The following LETM1 variants were observed in gnomAD, a reference collection of about 807,000 sequenced individuals.
The protein encoded by LETM1 is mitochondrial proton/calcium exchanger protein.
A neutral mutation model predicts 74.5 loss-of-function variants in LETM1; 50 were observed. The ratio of observed to expected loss-of-function variants is 0.67; its 90% CI spans 0.53 to 0.85. The LOEUF is 0.85. Among genes scored for constraint, LETM1 ranks in the 40% least tolerant of loss-of-function variants. LETM1 has a pLI of 0.00. For missense variants in LETM1, 824 were observed against 967.8 expected (o/e 0.85, Z 1.97); for synonymous variants, 446 against 407.1 (o/e 1.10, Z -1.15).
chr4:1,845,013 A>G (rs1250536400), intron 2 of LETM1, among the ~76,000 whole-genome samples: 3 of 151,712 alleles, frequency 2.0e-5, no homozygotes, highest in Non-Finnish European at 4.4e-5. Context: ...AATATGGTGA[A>G]ACCCCGTCTT....
At chr4:1,855,319 C>T (rs1462379597) in intron 1 of LETM1, among the ~76,000 whole-genome samples, 7 of 152,260 alleles carry the variant, frequency 4.6e-5, no homozygotes, top group Non-Finnish European at 1.0e-4. Context: ...GCTAAAGCCA[C>T]GCACCCTGAG....
At chr4:1,840,838 T>C (rs1045487421) in intron 3 of LETM1, among the ~76,000 whole-genome samples, 1 of 152,094 alleles carries the variant, frequency 6.6e-6, no homozygotes, top group African/African-American at 2.4e-5. Context: ...TGGGATCTGA[T>C]GTTATCTCTG....
rs1373872630 is a variant in LETM1, at chr4:1,812,837, G to C, written c.*1587C>G. 1 of 152,346 alleles carries C rather than the reference G, an allele frequency of 6.6e-6. No individual in the cohort carries two copies. The highest frequency in any genetic ancestry group is 1.5e-5 in the Non-Finnish European group (1 of 68,102). 9.4% of individuals were successfully genotyped at this position (152,346 alleles called of 1,614,324 possible). ...GGAGTCCAGGGCAGAGGGGACAGTG[G>C]GATGGGCTGCCTGTTGCAGTGGCTG... On this transcript the variant is annotated 3_prime_UTR_variant, in exon 14 of 14. Coordinates refer to ENST00000302787, the MANE Select transcript of LETM1 (RefSeq NM_012318.3).
At chr4:1,847,824 CAAAAAAA>C (rs778839346) in intron 2 of LETM1, among the ~76,000 whole-genome samples, 2 of 41,922 alleles carry the variant, frequency 4.8e-5, no homozygotes, top group African/African-American at 9.6e-5. Context: ...AACTCGGTCT[CAAAAAAA>C]AAAAAAAAAA....
chr4:1,826,616 C>T (rs556231075), intron 6 of LETM1, among the ~76,000 whole-genome samples: 3 of 152,336 alleles, frequency 2.0e-5, no homozygotes, highest in Admixed American at 6.5e-5. Context: ...TCCCTGAGGA[C>T]CCACTGGGGG....
Position 1,815,796 on chromosome 4 carries a change from G to A in LETM1, c.1938C>T (p.Asn646=), listed in dbSNP as rs138176193. 2.3e-4 allele frequency: 377 copies of A among 1,613,874 alleles called. 1 individual carries two copies. The highest frequency in any genetic ancestry group is 3.0e-4 in the Non-Finnish European group (354 of 1,179,996). ...TGATGAGCTCAGCGACACTGATGAC[G>A]TTCTCCCTGTGGAAGCACAGCCTGC... ...APANGMPTGE[N]VISVAELINA... The change falls in exon 13 of 14, where the codon AAC becomes AAT. Residue 646 remains asparagine, a synonymous_variant. Coordinates refer to ENST00000302787, the MANE Select transcript of LETM1 (RefSeq NM_012318.3).
intron 6 of LETM1, 109 bp from the exon 7 acceptor site, chr4:1,825,792 T>A: frequency 7.7e-7 from 1 of 1,292,256 alleles, no homozygotes; most frequent in East Asian, 2.6e-5. Flanking sequence ...CAAGCAAGAA[T>A]CAAACCACGG....
Position 1,841,805 on chromosome 4 carries a change from A to AG in LETM1, c.144-9dup, listed in dbSNP as rs775068920. 7 of 1,601,290 alleles carry AG rather than the reference A, an allele frequency of 4.4e-6. No homozygotes were observed. In the East Asian group the frequency reaches 1.6e-4, roughly 36 times the overall value. Reference sequence around the variant, plus strand: ...CAGCCAAATGGAACATTCCTTGAAAAGGGAAGAGTGGAAAACAGTAGTAAG... The same window carrying AG: ...CAGCCAAATGGAACATTCCTTGAAAAGGGGAAGAGTGGAAAACAGTAGTAAG... On this transcript the variant is annotated splice_polypyrimidine_tract_variant and intron_variant, in intron 2 of 13. Transcript: ENST00000302787.
chr4:1,814,685 G>T, intron 13 of LETM1, 112 bp from the exon 14 acceptor site: 3 of 844,858 alleles, frequency 3.6e-6, no homozygotes, highest in Non-Finnish European at 5.8e-6. Flanking sequence ...CAGCATGCAC[G>T]CAATCACTGC....
intron 6 of LETM1, 130 bp from the exon 7 acceptor site, chr4:1,825,813 C>A: frequency 9.2e-7 from 1 of 1,089,064 alleles, no homozygotes; most frequent in South Asian, 1.5e-5. Context: ...CCACCAAAGC[C>A]CAGTTCTAGG....
rs776571778 is a variant in LETM1 at position 1,825,572 on chromosome 4, G to A, written c.1192C>T (p.Leu398=). The A allele has an allele frequency of 3.1e-6, 5 of 1,612,460 alleles. No homozygotes were observed. The highest frequency in any genetic ancestry group is 4.2e-6 in the Non-Finnish European group (5 of 1,178,728). Residue 398 remains leucine (L), a synonymous_variant, in exon 7 of 14, where the codon CTG becomes TTG. Transcript: ENST00000302787. ...GVTEDRLRGQ[L]KQWLDLHLHQ... ...GGCCAATATTCACGCACCTGCTTCAGCTGACCCCTCAGGCGGTCTTCCGTG... is the reference window on the plus strand; with the variant it reads ...GGCCAATATTCACGCACCTGCTTCAACTGACCCCTCAGGCGGTCTTCCGTG...
chr4:1,848,323 C>G (rs1486843176), intron 2 of LETM1, among the ~76,000 whole-genome samples: 2 of 151,900 alleles, frequency 1.3e-5, no homozygotes, highest in Non-Finnish European at 2.9e-5. Context: ...CCATGGCGGG[C>G]GGATCACGAG....
chr4:1,855,905 G>T lies in LETM1; in HGVS notation c.46C>A (p.Arg16Ser). 1.6e-6 allele frequency: 2 copies of T among 1,239,530 alleles called. No individual in the cohort carries two copies. The highest frequency in any genetic ancestry group is 3.4e-5 in the South Asian group (1 of 29,520). The allele number at this position is 1,239,530 out of a possible 1,614,324, so 76.8% of individuals were successfully genotyped here. ...LRSCRGRAPA[R>S]LPPPPRYTVP... ...GTGTACCGAGGCGGCGGCGGGAGGC[G>T]GGCGGGCGCCCGGCCGCGGCAGCTC... is the stretch of plus-strand genomic sequence containing the variant. Residue 16 changes from arginine (R) to serine (S), a missense_variant, in exon 1 of 14, where the codon CGC (arginine) becomes AGC (serine). Transcript: ENST00000302787.
chr4:1,855,919 C>T lies in LETM1; in HGVS notation c.32G>A (p.Gly11Asp), dbSNP rs1012052911. ...CGGCGGGAGGCGGGCGGGCGCCCGG[C>T]CGCGGCAGCTCCTCAGTAAGATGGA... MASILLRSCR[G>D]RAPARLPPPP... The change falls in exon 1 of 14, where the codon GGC (glycine) becomes GAC (aspartate). Residue 11 changes from glycine (G) to aspartate (D), a missense_variant. Coordinates refer to ENST00000302787, the MANE Select transcript of LETM1 (RefSeq NM_012318.3). The T allele has an allele frequency of 8.1e-7, 1 of 1,237,316 alleles. No individual in the cohort carries two copies. Among genetic ancestry groups the T allele is most frequent in the South Asian group, 3.4e-5 (1 of 29,234 alleles). The allele number at this position is 1,237,316 out of a possible 1,614,324, so 76.6% of individuals were successfully genotyped here.
chr4:1,814,509 G>A lies in LETM1; in HGVS notation c.2135C>T (p.Ala712Val), dbSNP rs1560471926. The A allele has an allele frequency of 6.2e-7, 1 of 1,614,020 alleles. No homozygotes were observed. The highest frequency in any genetic ancestry group is 8.5e-7 in the Non-Finnish European group (1 of 1,179,898). ...ISTSQVAEIVATLEKEEKVEE... is the reference protein window; with the variant it reads ...ISTSQVAEIVVTLEKEEKVEE... ...CACCTTCTCCTCTTTTTCCAGTGTT[G>A]CTACAATCTCAGCCACCTGGCTGGT... Residue 712 changes from alanine to valine, a missense_variant, in exon 14 of 14, where the codon GCA (alanine) becomes GTA (valine). Transcript: ENST00000302787.
At chr4:1,833,018 T>C in intron 5 of LETM1, 71 bp from the exon 6 acceptor site, 1 of 1,374,234 alleles carries the variant, frequency 7.3e-7, no homozygotes, top group Non-Finnish European at 1.0e-6. Flanking sequence ...ACCAACCACA[T>C]TCCCAAAGGG....
chr4:1,836,704 C>G lies in LETM1; in HGVS notation c.595-132G>C. ...CGACTCACAGGACCCACTGAGGACT[C>G]TAAGTTCCAGAACCACTTAGCAGAC... On this transcript the variant is annotated intron_variant, in intron 3 of 13. Coordinates refer to ENST00000302787, the MANE Select transcript of LETM1 (RefSeq NM_012318.3). This position sits in a 1 kb window ranked among gnomAD's most constrained non-coding sequence, Gnocchi z 5.8. 1 of 937,486 alleles carries G rather than the reference C, an allele frequency of 1.1e-6. No individual in the cohort carries two copies. The highest frequency in any genetic ancestry group is 1.6e-6 in the Non-Finnish European group (1 of 627,370). The allele number at this position is 937,486 out of a possible 1,614,324, so 58.1% of individuals were successfully genotyped here.
intron 1 of LETM1, among the ~76,000 whole-genome samples, chr4:1,853,126 C>T (rs1254198250): frequency 6.6e-6 from 1 of 152,202 alleles, no homozygotes; most frequent in Non-Finnish European, 1.5e-5. Flanking sequence ...CATTCTGCTC[C>T]TCCCCAAGTC....
rs1327355007 is a variant in LETM1, at chr4:1,816,805, T to C, written c.1853A>G (p.Gln618Arg). ...LTKRVQQMIGQIDGLISQLEM... is the reference protein window; with the variant it reads ...LTKRVQQMIGRIDGLISQLEM... ...CAGCTGCGAGATCAAGCCATCGATC[T>C]GCCCGATCATTTGCTGCACCCTTTT... Residue 618 changes from glutamine to arginine, a missense_variant, in exon 12 of 14, where the codon CAG becomes CGG. Gln to Arg is a conservative substitution (Grantham distance 43). Transcript: ENST00000302787. The C allele has an allele frequency of 9.3e-6, 15 of 1,614,252 alleles. No individual in the cohort carries two copies. Among genetic ancestry groups the C allele is most frequent in the Non-Finnish European group, 1.3e-5 (15 of 1,180,034 alleles).
Sources: allele counts gnomAD v4.1 joint callset (sites outside exome capture counted in the v4.1 genomes callset), GRCh38; gene constraint gnomAD v4.1.1; non-coding constraint Gnocchi (gnomAD v3.1); transcripts MANE v1.5; gene names NCBI Gene and HGNC (gene_info 2026-07-23, HGNC 2026-07-21).